PCNX4: variants seen among roughly 807,000 people sequenced by gnomAD.
The protein encoded by PCNX4 is pecanex-like protein 4.
PCNX4 carries 103 observed loss-of-function variants against 107.2 expected under a neutral mutation model. The observed-to-expected ratio is 0.96, with a 90% confidence interval of 0.82 to 1.13. The LOEUF (loss-of-function observed/expected upper bound fraction) is 1.13. Ranked by LOEUF, PCNX4 falls within the 50% of genes most tolerant of loss-of-function variation. The pLI is 0.00. For synonymous variants in PCNX4, 541 were observed against 481.7 expected, an observed-to-expected ratio of 1.12 and a Z score of -1.61; for missense variants, 1,528 against 1,379.4, an observed-to-expected ratio of 1.11 and a Z score of -1.71.
At chr14:60,104,422 A>C (rs1025008214) in intron 1 of PCNX4, among the ~76,000 whole-genome samples, 3 of 151,976 alleles carry the variant, frequency 2.0e-5, no homozygotes, top group Admixed American at 6.6e-5. Flanking sequence ...TAATTGTCTT[A>C]CTTAAGCTAT....
rs1439934683 is a variant in PCNX4, at chr14:60,139,057, A to G, written c.*4836A>G. ...GCTAAAGTGGAATAATAAGGCAAAA[A>G]GGTAGAGAAAATATAGAACAAATAG... On this transcript the variant is annotated 3_prime_UTR_variant, in exon 11 of 11. Coordinates refer to ENST00000406854, the MANE Select transcript of PCNX4 (RefSeq NM_001330177.2). 2.0e-5 allele frequency: 3 copies of G among 152,112 alleles called. No individual in the cohort carries two copies. The highest frequency in any genetic ancestry group is 7.2e-5 in the African/African-American group (3 of 41,464). The allele number at this position is 152,112 out of a possible 1,614,324, so 9.4% of individuals were successfully genotyped here.
rs399535 is a variant in PCNX4, at chr14:60,144,930, C to T, written c.*10709C>T. The T allele has an allele frequency of 0.18, 283,768 of 1,536,480 alleles. 34,838 individuals carry two copies. The highest frequency in any genetic ancestry group is 0.52 in the African/African-American group (37,106 of 71,812). On this transcript the variant is annotated 3_prime_UTR_variant, in exon 11 of 11. Coordinates refer to ENST00000406854, the MANE Select transcript of PCNX4 (RefSeq NM_001330177.2). Reference sequence around the variant, plus strand: ...ATTGCTGTTTTCATGTTTTCCATTTCTCCCTCCAGTGGCTTGAAAAGTACA... The same window carrying T: ...ATTGCTGTTTTCATGTTTTCCATTTTTCCCTCCAGTGGCTTGAAAAGTACA...
Position 60,118,423 on chromosome 14 carries a change from G to A in PCNX4, c.1673G>A (p.Arg558His), listed in dbSNP as rs745721887. ...ACATCATGGACAGAGAAAAAACAAC[G>A]TCGAAAAACAACTGCCACTTTATGT... The part of the protein sequence containing the change: ...LLTSWTEKKQ[R>H]RKTTATLCIL... Residue 558 changes from arginine (R) to histidine (H), a missense_variant, in exon 7 of 11, where the codon CGT becomes CAT. Physicochemically the swap from Arg to His is conservative, Grantham distance 29 (BLOSUM62 0). Coordinates refer to ENST00000406854, the MANE Select transcript of PCNX4 (RefSeq NM_001330177.2). The A allele has an allele frequency of 2.4e-5, 38 of 1,613,310 alleles. No homozygotes were observed. In the African/African-American group the frequency reaches 2.8e-4, roughly 12 times the overall value.
At chr14:60,120,921 T>C (rs551542414) in intron 7 of PCNX4, among the ~76,000 whole-genome samples, 1 of 152,268 alleles carries the variant, frequency 6.6e-6, no homozygotes, top group African/African-American at 2.4e-5. Context: ...TATTTAAGAT[T>C]GTATACAACA....
intron 6 of PCNX4, among the ~76,000 whole-genome samples, chr14:60,117,956 C>T (rs1895881725): frequency 6.6e-6 from 1 of 152,026 alleles, no homozygotes; most frequent in Non-Finnish European, 1.5e-5. Context: ...AATCTCTTTA[C>T]TTTTTGTAGG....
At position 60,146,308 on chromosome 14, in the gene PCNX4, C is replaced by T. The variant is rs1896404824; in HGVS notation, c.*12087C>T. On this transcript the variant is annotated 3_prime_UTR_variant, in exon 11 of 11. Transcript: ENST00000406854. The surrounding 1 kb of genome is among the most constrained non-coding windows in gnomAD (Gnocchi z 4.9). ...TATTCTCTAAACAAAACAAAATATC[C>T]TTCATATGGACATTTCTGGAAGTAC... 5.9e-5 allele frequency: 9 copies of T among 151,900 alleles called. No individual in the cohort carries two copies. The South Asian group carries it at 1.9e-3, about 32-fold the overall frequency. 9.4% of individuals were successfully genotyped at this position (151,900 alleles called of 1,614,324 possible). A position where few individuals can be genotyped will look rare whatever the true frequency, so the allele number is the denominator to read the frequency against.
In PCNX4 at chr14:60,107,689, G is replaced by A; in HGVS notation, c.51G>A (p.Leu17=). 8 of 1,612,856 alleles carry A rather than the reference G, an allele frequency of 5.0e-6. No homozygotes were observed. The highest frequency in any genetic ancestry group is 1.6e-4 in the Middle Eastern group (1 of 6,062). ...ATGATTACAAGCAGGACTTCTTTCT[G>A]AAGCGCTTTCCACAGACTGTTCTTG... is the stretch of plus-strand genomic sequence containing the variant. ...LLNDYKQDFF[L]KRFPQTVLGG... Residue 17 remains leucine, a synonymous_variant, in exon 2 of 11, where the codon CTG becomes CTA. Transcript: ENST00000406854.
In PCNX4 at chr14:60,134,434, G is replaced by A; in HGVS notation, c.*213G>A. 1 of 541,742 alleles carries A rather than the reference G, an allele frequency of 1.8e-6. No homozygotes were observed. The highest frequency in any genetic ancestry group is 3.1e-6 in the Non-Finnish European group (1 of 318,426). 33.6% of individuals were successfully genotyped at this position (541,742 alleles called of 1,614,324 possible). A position where few individuals can be genotyped will look rare whatever the true frequency, so the allele number is the denominator to read the frequency against. ...ATGTCTAAGATAAAAGAACTATTTGGCCAATATTTGTGCCCTCTGGACTTT... is the reference window on the plus strand; with the variant it reads ...ATGTCTAAGATAAAAGAACTATTTGACCAATATTTGTGCCCTCTGGACTTT... On this transcript the variant is annotated 3_prime_UTR_variant, in exon 11 of 11. Coordinates refer to ENST00000406854, the MANE Select transcript of PCNX4 (RefSeq NM_001330177.2).
Position 60,144,463 on chromosome 14 carries a change from C to G in PCNX4, c.*10242C>G, listed in dbSNP as rs1896347506. The G allele has an allele frequency of 6.5e-6, 1 of 153,972 alleles. No homozygotes were observed. Among genetic ancestry groups the G allele is most frequent in the South Asian group, 2.0e-4 (1 of 4,980 alleles). The allele number at this position is 153,972 out of a possible 1,614,324, so 9.5% of individuals were successfully genotyped here. A position where few individuals can be genotyped will look rare whatever the true frequency, so the allele number is the denominator to read the frequency against. ...GCTCTTTTGAAAGCATTTTGCTCCT[C>G]TTTCCCTTCTGTCCCTTCCACCATG... On this transcript the variant is annotated 3_prime_UTR_variant, in exon 11 of 11. Transcript: ENST00000406854.
At chr14:60,098,531 C>G (rs780337045) in intron 1 of PCNX4, among the ~76,000 whole-genome samples, 1 of 152,152 alleles carries the variant, frequency 6.6e-6, no homozygotes, top group Non-Finnish European at 1.5e-5. Flanking sequence ...CGTGCTTGTT[C>G]CTTTTCAGTC....
rs934231264 is a variant in PCNX4 at position 60,138,931 on chromosome 14, TTAAAG to T, written c.*4713_*4717del. ...AAGGTCAGAATTATCAGAAAGAAGA[TTAAAG>T]TATAAATAAGACTGCTGTGTCATCT... On this transcript the variant is annotated 3_prime_UTR_variant, in exon 11 of 11. Transcript: ENST00000406854. 2.0e-5 allele frequency: 3 copies of T among 152,082 alleles called. No homozygotes were observed. The highest frequency in any genetic ancestry group is 4.4e-5 in the Non-Finnish European group (3 of 67,940). The allele number at this position is 152,082 out of a possible 1,614,324, so 9.4% of individuals were successfully genotyped here.
chr14:60,132,949 T>C (rs1896181938), intron 10 of PCNX4, among the ~76,000 whole-genome samples: 3 of 152,128 alleles, frequency 2.0e-5, no homozygotes, highest in South Asian at 4.1e-4. Flanking sequence ...TGAAAATAAG[T>C]GTTAACAAGA....
chr14:60,092,906 A>G (rs1338995303), intron 1 of PCNX4, among the ~76,000 whole-genome samples: 1 of 152,166 alleles, frequency 6.6e-6, no homozygotes, highest in Non-Finnish European at 1.5e-5. Flanking sequence ...ATGCCGCTGA[A>G]TTGGTTATCT....
intron 1 of PCNX4, among the ~76,000 whole-genome samples, chr14:60,104,279 A>G (rs1412947905): frequency 5.5e-5 from 8 of 144,566 alleles, no homozygotes; most frequent in Non-Finnish European, 7.4e-5. Context: ...AGATCACGCC[A>G]CTGCACTCCA....
At position 60,136,154 on chromosome 14, in the gene PCNX4, G is replaced by T. The variant is rs1476443039; in HGVS notation, c.*1933G>T. 6.7e-6 allele frequency: 1 copy of T among 148,560 alleles called. No individual in the cohort carries two copies. The highest frequency in any genetic ancestry group is 2.0e-4 in the East Asian group (1 of 5,104). 9.2% of individuals were successfully genotyped at this position (148,560 alleles called of 1,614,324 possible). ...TAAGGTCACTATTGACCTTTTTATT[G>T]TCAAACCAGCTAGTAGTAATTGACA... On this transcript the variant is annotated 3_prime_UTR_variant, in exon 11 of 11. Transcript: ENST00000406854.
chr14:60,109,848 A>C (rs1052579754), intron 2 of PCNX4: 2 of 167,266 alleles, frequency 1.2e-5, no homozygotes, highest in African/African-American at 4.8e-5. Flanking sequence ...AAAGCGTCAA[A>C]GAACTTAGCT....
At chr14:60,125,493 C>T in intron 9 of PCNX4, 144 bp from the exon 10 acceptor site, 5 of 747,042 alleles carry the variant, frequency 6.7e-6, no homozygotes, top group Non-Finnish European at 9.8e-6. Context: ...TTCACCTTAA[C>T]TGCATCATTT....
At chr14:60,099,880 G>A (rs184358231) in intron 1 of PCNX4, among the ~76,000 whole-genome samples, 1 of 151,938 alleles carries the variant, frequency 6.6e-6, no homozygotes, top group Non-Finnish European at 1.5e-5. Context: ...CCTGGCCAAC[G>A]TAGTGAAACA....
intron 10 of PCNX4, among the ~76,000 whole-genome samples, chr14:60,131,839 A>G (rs1896160452): frequency 1.3e-5 from 2 of 152,358 alleles, no homozygotes; most frequent in East Asian, 1.9e-4. Context: ...TGGCATAATG[A>G]TAGACATATA....
Sources: gnomAD v4.1 joint callset for allele counts (sites outside exome capture counted in the v4.1 genomes callset) on GRCh38, gnomAD v4.1.1 for gene constraint, Gnocchi (gnomAD v3.1) non-coding constraint, MANE v1.5 for transcripts, NCBI Gene and HGNC (gene_info 2026-07-23, HGNC 2026-07-21) for gene names.